Variants in COL23A1 observed in about 807,000 individuals in gnomAD.
The protein encoded by COL23A1 is collagen type XXIII alpha 1 chain.
In COL23A1, 97 loss-of-function variants were observed where a neutral mutation model predicts 99.3. The observed-to-expected ratio is 0.98, with a 90% confidence interval of 0.83 to 1.16. The LOEUF (loss-of-function observed/expected upper bound fraction) is 1.16. COL23A1 is among the 50% of genes most tolerant of loss of function. The pLI is 0.00. For missense variants in COL23A1, 762 were observed against 757.4 expected (o/e 1.01, Z -0.07); for synonymous variants, 320 against 308.2 (o/e 1.04, Z -0.40).
At chr5:178,546,082 T>C (rs1317580533) in intron 2 of COL23A1, among the ~76,000 whole-genome samples, 1 of 150,670 alleles carries the variant, frequency 6.6e-6, no homozygotes, top group African/African-American at 2.4e-5. Flanking sequence ...GTGCTCACCC[T>C]ATGTCTCAGC....
At chr5:178,561,114 G>A (rs1762538889) in intron 1 of COL23A1, among the ~76,000 whole-genome samples, 1 of 152,172 alleles carries the variant, frequency 6.6e-6, no homozygotes, top group Non-Finnish European at 1.5e-5. Context: ...GCCTGGAGAG[G>A]GCAGATCAAA....
At chr5:178,549,457 C>T (rs1164602251) in intron 2 of COL23A1, among the ~76,000 whole-genome samples, 1 of 152,108 alleles carries the variant, frequency 6.6e-6, no homozygotes, top group African/African-American at 2.4e-5. Flanking sequence ...CAACTCAAGA[C>T]ATTTGTTGCC....
At chr5:178,549,698 C>T (rs2113455708) in intron 2 of COL23A1, among the ~76,000 whole-genome samples, 1 of 152,126 alleles carries the variant, frequency 6.6e-6, no homozygotes, top group African/African-American at 2.4e-5. Context: ...TCCTGTAATC[C>T]CAGCTACGTG....
intron 2 of COL23A1, among the ~76,000 whole-genome samples, chr5:178,552,774 T>C (rs1390144766): frequency 1.3e-5 from 2 of 150,764 alleles, no homozygotes; most frequent in African/African-American, 2.4e-5. Flanking sequence ...GGTGCAGTGG[T>C]GCGATCTTGG....
chr5:178,393,357 G>A (rs1418561060), intron 2 of COL23A1, among the ~76,000 whole-genome samples: 1 of 152,166 alleles, frequency 6.6e-6, no homozygotes, highest in Non-Finnish European at 1.5e-5. Context: ...GGAAGTAAAT[G>A]GTGGGTGCCA....
At position 178,259,744 on chromosome 5, in the gene COL23A1, C is replaced by T. The variant is rs745746614; in HGVS notation, c.706G>A (p.Glu236Lys). ...ACCTTCTTTCCAGGTACTCCAGGCT[C>T]ACCCTGGGGGAGGCAATGGGGGGTT... is the stretch of plus-strand genomic sequence containing the variant. ...GPKGPPGPKG[E>K]PGVPGKKGDD... is the part of the protein sequence containing the mutation. Residue 236 changes from glutamate to lysine, a missense_variant, in exon 12 of 29, where the codon GAG (glutamate) becomes AAG (lysine). By Grantham distance (56) the Glu-to-Lys change is moderately conservative (BLOSUM62 1). Transcript: ENST00000390654. 2.5e-6 allele frequency: 4 copies of T among 1,604,534 alleles called. No individual in the cohort carries two copies. In the South Asian group the frequency reaches 4.5e-5, roughly 18 times the overall value.
chr5:178,349,870 G>A (rs1761219761), intron 2 of COL23A1, among the ~76,000 whole-genome samples: 1 of 151,950 alleles, frequency 6.6e-6, no homozygotes, highest in South Asian at 2.1e-4. Flanking sequence ...CTGACTGGAG[G>A]GGGACCTCTG....
intron 2 of COL23A1, among the ~76,000 whole-genome samples, chr5:178,551,232 T>C (rs1452530155): frequency 1.3e-5 from 2 of 150,692 alleles, no homozygotes; most frequent in East Asian, 3.9e-4. Flanking sequence ...TCCTGTTCAA[T>C]TTCTATAGAA....
At chr5:178,465,787 C>T (rs1448250285) in intron 2 of COL23A1, among the ~76,000 whole-genome samples, 1 of 152,202 alleles carries the variant, frequency 6.6e-6, no homozygotes, top group Non-Finnish European at 1.5e-5. Flanking sequence ...AGTAGACTGT[C>T]CTGGGGATTC....
At chr5:178,291,113 G>A (rs1445900583) in intron 3 of COL23A1, among the ~76,000 whole-genome samples, 2 of 152,212 alleles carry the variant, frequency 1.3e-5, no homozygotes, top group African/African-American at 4.8e-5. Flanking sequence ...TGGAGTGAGC[G>A]CATGCTGGAT....
In COL23A1 at chr5:178,544,470, TG is replaced by T. The variant is rs1174888899; in HGVS notation, c.361+16211del. ...GCGGTGGGGAGCAGTCTCCCTCAGATGGGGTCCCCTGTTCTCTCCACCTGCC... is the reference window on the plus strand; with the variant it reads ...GCGGTGGGGAGCAGTCTCCCTCAGATGGGTCCCCTGTTCTCTCCACCTGCC... On this transcript the variant is annotated intron_variant, in intron 2 of 28. Coordinates refer to ENST00000390654, the MANE Select transcript of COL23A1 (RefSeq NM_173465.4). The surrounding 1 kb of genome is among the most constrained non-coding windows in gnomAD (Gnocchi z 4.4). 4.6e-5 allele frequency among the ~76,000 whole-genome samples: 7 copies of T among 152,226 alleles called. No homozygotes were observed. In the East Asian group the frequency reaches 9.7e-4, roughly 21 times the overall value.
At chr5:178,363,830 C>A (rs1424615888) in intron 2 of COL23A1, among the ~76,000 whole-genome samples, 1 of 152,220 alleles carries the variant, frequency 6.6e-6, no homozygotes, top group African/African-American at 2.4e-5. Context: ...AAGACACAGC[C>A]TATTTCTATG....
intron 2 of COL23A1, among the ~76,000 whole-genome samples, chr5:178,332,403 T>C (rs1171751059): frequency 1.3e-5 from 2 of 152,184 alleles, no homozygotes; most frequent in African/African-American, 4.8e-5. Context: ...GGGAGGCAGC[T>C]TCCAGATCTG....
chr5:178,308,827 C>T lies in COL23A1; in HGVS notation c.362-1908G>A, dbSNP rs571041348. Among the ~76,000 whole-genome samples the T allele has an allele frequency of 1.7e-4, 25 of 151,136 alleles. No individual in the cohort carries two copies. The East Asian group carries it at 4.5e-3, about 27-fold the overall frequency. Reference sequence around the variant, plus strand: ...GGTTTGGGGGGCAGGTCAGCACTCTCGGGGGGGGCTTTCCTCCTCTCTGGG... The same window carrying T: ...GGTTTGGGGGGCAGGTCAGCACTCTTGGGGGGGGCTTTCCTCCTCTCTGGG... On this transcript the variant is annotated intron_variant, in intron 2 of 28. Coordinates refer to ENST00000390654, the MANE Select transcript of COL23A1 (RefSeq NM_173465.4). The surrounding 1 kb of genome is among the most constrained non-coding windows in gnomAD (Gnocchi z 5.1).
At chr5:178,270,216 C>G (rs1315257520) in intron 6 of COL23A1, 121 bp downstream of exon 6, 1 of 1,171,350 alleles carries the variant, frequency 8.5e-7, no homozygotes, top group East Asian at 2.5e-5. Flanking sequence ...ACCCAAAAGG[C>G]TTCTCTCTGT....
chr5:178,474,951 G>A (rs189264329), intron 2 of COL23A1, among the ~76,000 whole-genome samples: 1 of 152,338 alleles, frequency 6.6e-6, no homozygotes, highest in East Asian at 1.9e-4. Context: ...GCTTAGGGGA[G>A]AGTCCCTCCT....
chr5:178,574,419 G>A (rs1763250053), intron 1 of COL23A1, among the ~76,000 whole-genome samples: 1 of 152,026 alleles, frequency 6.6e-6, no homozygotes, highest in Non-Finnish European at 1.5e-5. Flanking sequence ...TAGAACAAAA[G>A]AAAAAAAGTA....
intron 2 of COL23A1, among the ~76,000 whole-genome samples, chr5:178,324,563 T>C (rs1483348111): frequency 1.3e-5 from 2 of 152,116 alleles, no homozygotes; most frequent in African/African-American, 4.8e-5. Flanking sequence ...AGTCGCTCCG[T>C]TGCTTTTCAC....
At chr5:178,412,089 A>G (rs2127781865) in intron 2 of COL23A1, among the ~76,000 whole-genome samples, 1 of 152,322 alleles carries the variant, frequency 6.6e-6, no homozygotes, top group Non-Finnish European at 1.5e-5. Context: ...ATTGTATATA[A>G]TGGTAAAAAT....
Sources: gnomAD v4.1 joint callset for allele counts (sites outside exome capture counted in the v4.1 genomes callset) on GRCh38, gnomAD v4.1.1 for gene constraint, Gnocchi (gnomAD v3.1) non-coding constraint, MANE v1.5 for transcripts, NCBI Gene and HGNC (gene_info 2026-07-23, HGNC 2026-07-21) for gene names.